FOXK2: variants seen among roughly 807,000 people sequenced by gnomAD.
FOXK2 encodes the protein forkhead box K2.
A neutral mutation model predicts 53.3 loss-of-function variants in FOXK2; 24 were observed. The ratio of observed to expected loss-of-function variants is 0.45; its 90% CI spans 0.33 to 0.63. The LOEUF (loss-of-function observed/expected upper bound fraction) is 0.63, where lower values mean the gene tolerates loss of function less well. FOXK2 is among the 30% of genes least tolerant of loss of function. The pLI, the probability that FOXK2 is intolerant of heterozygous loss-of-function variation, is 0.03. For missense variants in FOXK2, 952 were observed against 910.5 expected (o/e 1.05, Z -0.59); for synonymous variants, 505 against 407.1 (o/e 1.24, Z -2.89).
intron 3 of FOXK2, 65 bp from the exon 4 acceptor site, chr17:82,571,659 C>T: frequency 1.4e-6 from 2 of 1,392,982 alleles, no homozygotes; most frequent in Non-Finnish European, 1.9e-6. Flanking sequence ...ATCTTTAAAT[C>T]TAGTAAATTT....
In FOXK2 at chr17:82,602,289, G is replaced by T. The variant is rs1328023459; in HGVS notation, c.*790G>T. 1 of 152,188 alleles carries T rather than the reference G, an allele frequency of 6.6e-6. No individual in the cohort carries two copies. Among genetic ancestry groups the T allele is most frequent in the African/African-American group, 2.4e-5 (1 of 41,422 alleles). 9.4% of individuals were successfully genotyped at this position (152,188 alleles called of 1,614,324 possible). A position where few individuals can be genotyped will look rare whatever the true frequency, so the allele number is the denominator to read the frequency against. On this transcript the variant is annotated 3_prime_UTR_variant, in exon 9 of 9. Coordinates refer to ENST00000335255, the MANE Select transcript of FOXK2 (RefSeq NM_004514.4). Reference sequence around the variant, plus strand: ...AGGAACTGCCGGGACTCACCGAGCTGCACTTAACTGTTCTCTTTCTGGCTA... The same window carrying T: ...AGGAACTGCCGGGACTCACCGAGCTTCACTTAACTGTTCTCTTTCTGGCTA...
intron 8 of FOXK2, among the ~76,000 whole-genome samples, chr17:82,590,167 G>C (rs62079671): frequency 0.026 from 3,918 of 152,270 alleles, 58 homozygotes; most frequent in Middle Eastern, 0.054. Flanking sequence ...TGTTCAGAGA[G>C]AGGAGGTGGC....
chr17:82,590,927 G>A (rs1480438557), intron 8 of FOXK2, among the ~76,000 whole-genome samples: 1 of 152,158 alleles, frequency 6.6e-6, no homozygotes, highest in Non-Finnish European at 1.5e-5. Flanking sequence ...GCCGAGGCTG[G>A]GCTGCCTGCC....
chr17:82,582,897 C>A lies in FOXK2; in HGVS notation c.1066C>A (p.Pro356Thr), dbSNP rs142131857. ...AFRKRRPRGV[P>T]CFRTPLGPLS... The stretch of plus-strand genomic sequence containing the variant: ...TAGGAAACGACGGCCTAGGGGCGTG[C>A]CCTGCTTTAGAACCCCTCTGGGACC... The change falls in exon 5 of 9, where the codon CCC (proline) becomes ACC (threonine). Residue 356 changes from proline to threonine, a missense_variant. Around this residue, in one of 5 missense-constraint regions of FOXK2, gnomAD observed 160 missense variants for 214.2 expected, o/e 0.75. Transcript: ENST00000335255. The A allele has an allele frequency of 6.2e-7, 1 of 1,608,462 alleles. No homozygotes were observed. Among genetic ancestry groups the A allele is most frequent in the African/African-American group, 1.3e-5 (1 of 74,546 alleles).
intron 1 of FOXK2, among the ~76,000 whole-genome samples, chr17:82,524,980 C>CTTTT (rs371491887): frequency 1.4e-5 from 2 of 138,246 alleles, no homozygotes; most frequent in South Asian, 2.3e-4. Flanking sequence ...GACAAGGTGG[C>CTTTT]TTTTTTTTTT....
intron 1 of FOXK2, among the ~76,000 whole-genome samples, chr17:82,555,189 G>T (rs1426654125): frequency 6.6e-6 from 1 of 152,314 alleles, no homozygotes; most frequent in South Asian, 2.1e-4. Flanking sequence ...GAGGAAAGTT[G>T]CAGGGCCAGG....
intron 1 of FOXK2, among the ~76,000 whole-genome samples, chr17:82,533,557 A>G (rs2044492439): frequency 6.6e-6 from 1 of 152,088 alleles, no homozygotes; most frequent in African/African-American, 2.4e-5. Flanking sequence ...TAAGTATTAC[A>G]TATTGTACGC....
At chr17:82,597,207 G>A (rs1220313780) in intron 8 of FOXK2, among the ~76,000 whole-genome samples, 1 of 152,222 alleles carries the variant, frequency 6.6e-6, no homozygotes, top group Admixed American at 6.5e-5. Flanking sequence ...GGTCCTCGGT[G>A]CAAACCAGAG....
At chr17:82,557,490 C>T (rs1209774139) in intron 1 of FOXK2, among the ~76,000 whole-genome samples, 9 of 151,554 alleles carry the variant, frequency 5.9e-5, no homozygotes, top group Non-Finnish European at 1.0e-4. Context: ...ATTACATGCG[C>T]GTGCCACCAT....
intron 1 of FOXK2, among the ~76,000 whole-genome samples, chr17:82,558,816 G>A (rs964662852): frequency 9.9e-5 from 15 of 151,974 alleles, no homozygotes; most frequent in East Asian, 3.9e-4. Flanking sequence ...GCGTGATCTC[G>A]GCTCACTGCA....
intron 3 of FOXK2, among the ~76,000 whole-genome samples, chr17:82,569,968 TC>T (rs373702862): frequency 0.13 from 19,614 of 152,076 alleles, 1,623 homozygotes; most frequent in East Asian, 0.31. Flanking sequence ...ACGCCTGTAA[TC>T]CCCAGCACTT....
chr17:82,596,933 G>A (rs949721999), intron 8 of FOXK2, among the ~76,000 whole-genome samples: 5 of 152,164 alleles, frequency 3.3e-5, no homozygotes, highest in Non-Finnish European at 5.9e-5. Flanking sequence ...TACAGTCCCC[G>A]GGTTGTCAGG....
intron 5 of FOXK2, 73 bp from the exon 6 acceptor site, chr17:82,583,940 A>G: frequency 1.4e-6 from 2 of 1,477,766 alleles, no homozygotes; most frequent in South Asian, 1.3e-5. Context: ...TGCAAAGTGC[A>G]CTTATTAAAA....
intron 1 of FOXK2, among the ~76,000 whole-genome samples, chr17:82,543,137 G>T (rs142672521): frequency 6.6e-6 from 1 of 151,998 alleles, no homozygotes; most frequent in Non-Finnish European, 1.5e-5. Context: ...TGGGGGTTTC[G>T]TTTGATACTG....
At chr17:82,568,709 G>T (rs1453507269) in intron 3 of FOXK2, among the ~76,000 whole-genome samples, 3 of 152,216 alleles carry the variant, frequency 2.0e-5, no homozygotes, top group African/African-American at 7.2e-5. Context: ...ATGAAAGTTT[G>T]TATAAAACAA....
At chr17:82,573,199 GA>G (rs762314830) in intron 4 of FOXK2, among the ~76,000 whole-genome samples, 2 of 148,938 alleles carry the variant, frequency 1.3e-5, no homozygotes, top group African/African-American at 4.9e-5. Context: ...TCTCAAAAAG[GA>G]AAAAAAAAGC....
rs1599872590 is a variant in FOXK2, at chr17:82,519,950, G to C, written c.62G>C (p.Gly21Ala). The change falls in exon 1 of 9, where the codon GGG (glycine) becomes GCG (alanine). Residue 21 changes from glycine to alanine, a missense_variant. By Grantham distance (60) the Gly-to-Ala change is moderately conservative. This residue lies in a region of FOXK2 where 163 missense variants were observed against 165.5 expected (regional missense o/e 0.98). Transcript: ENST00000335255. ...AGTPPAGGGAGGGGAGGGGSP... is the reference protein window; with the variant it reads ...AGTPPAGGGAAGGGAGGGGSP... ...ACGCCACCCGCGGGCGGCGGGGCCG[G>C]GGGCGGCGGGGCCGGGGGCGGCGGG... 1 of 838,952 alleles carries C rather than the reference G, an allele frequency of 1.2e-6. No individual in the cohort carries two copies. Among genetic ancestry groups the C allele is most frequent in the Non-Finnish European group, 1.4e-6 (1 of 701,298 alleles). The allele number at this position is 838,952 out of a possible 1,614,324, so 52.0% of individuals were successfully genotyped here.
At chr17:82,529,527 T>G (rs1246034519) in intron 1 of FOXK2, among the ~76,000 whole-genome samples, 4 of 151,998 alleles carry the variant, frequency 2.6e-5, no homozygotes, top group African/African-American at 9.7e-5. Context: ...GTACCTGGGA[T>G]TACAGGCGCG....
chr17:82,535,150 G>C (rs552902929), intron 1 of FOXK2, among the ~76,000 whole-genome samples: 2 of 152,348 alleles, frequency 1.3e-5, no homozygotes, highest in South Asian at 4.1e-4. Flanking sequence ...AAAGTGCTGG[G>C]ATTACAGGTG....
Sources: allele counts gnomAD v4.1 joint callset (sites outside exome capture counted in the v4.1 genomes callset), GRCh38; gene constraint gnomAD v4.1.1; regional missense constraint gnomAD v4.1.1; transcripts MANE v1.5; gene names NCBI Gene and HGNC (gene_info 2026-07-23, HGNC 2026-07-21).